Variants in OPRM1 observed in about 807,000 individuals in gnomAD.
OPRM1 encodes the protein opioid receptor mu 1.
In OPRM1, 27 loss-of-function variants were observed where a neutral mutation model predicts 31.8. The ratio of observed to expected loss-of-function variants is 0.85; its 90% CI spans 0.63 to 1.17. OPRM1 has a LOEUF of 1.17. Among genes scored for constraint, OPRM1 ranks in the 50% most tolerant of loss-of-function variants. The pLI is 0.00. For synonymous variants in OPRM1, 196 were observed against 189.9 expected, an observed-to-expected ratio of 1.03 and a Z score of -0.26; for missense variants, 536 against 511.1, an observed-to-expected ratio of 1.05 and a Z score of -0.47.
At chr6:154,028,823 T>G (rs1165838925) in intron 1 of OPRM1, among the ~76,000 whole-genome samples, 6 of 152,210 alleles carry the variant, frequency 3.9e-5, no homozygotes, top group African/African-American at 1.4e-4. Flanking sequence ...GCCCACCCAC[T>G]GCTGGGGAAT....
intron 3 of OPRM1, among the ~76,000 whole-genome samples, chr6:154,241,486 C>T (rs1780589821): frequency 1.3e-5 from 2 of 152,094 alleles, no homozygotes; most frequent in South Asian, 4.1e-4. Flanking sequence ...TACTCACAAA[C>T]TCTTTGTCCC....
rs187433535 is a variant in OPRM1, at chr6:154,235,352, G to A, written c.1165-11341G>A. 6.6e-3 allele frequency among the ~76,000 whole-genome samples: 999 copies of A among 152,148 alleles called. 8 individuals carry two copies. Among genetic ancestry groups the A allele is most frequent in the African/African-American group, 0.021 (869 of 41,528 alleles). On this transcript the variant is annotated intron_variant, in intron 3 of 3. Coordinates refer to the OPRM1 transcript ENST00000337049. ...TTGAGACCAGCCTGGCCCACATGGC[G>A]AAAACCCGTCTCTACTAAAAATACA...
chr6:154,107,697 G>T (rs992977033), intron 3 of OPRM1: 6 of 718,412 alleles, frequency 8.4e-6, no homozygotes, highest in Non-Finnish European at 1.6e-5. Context: ...TGGTTAAAAG[G>T]TCAAGCTCCC....
At chr6:154,037,618 A>G (rs1309539966), upstream of OPRM1, among the ~76,000 whole-genome samples, 2 of 152,042 alleles carry the variant, frequency 1.3e-5, no homozygotes, top group Non-Finnish European at 2.9e-5. Flanking sequence ...AAAAGAGAAA[A>G]CTCAGTTGAT....
At position 154,124,482 on chromosome 6, in the gene OPRM1, G is replaced by C. The variant is rs1797473230; in HGVS notation, c.*5761G>C. 6.6e-6 allele frequency among the ~76,000 whole-genome samples: 1 copy of C among 152,146 alleles called. No homozygotes were observed. Among genetic ancestry groups the C allele is most frequent in the Admixed American group, 6.5e-5 (1 of 15,278 alleles). On this transcript the variant is annotated 3_prime_UTR_variant, in exon 4 of 4. Transcript: ENST00000330432. ...AGAAGTTGTTTTCCATAGGTGTGGGGTGGGATGTTAGAGCTCTAGACATTA... is the reference window on the plus strand; with the variant it reads ...AGAAGTTGTTTTCCATAGGTGTGGGCTGGGATGTTAGAGCTCTAGACATTA...
chr6:154,097,283 C>T (rs1345768260), intron 3 of OPRM1, among the ~76,000 whole-genome samples: 1 of 152,110 alleles, frequency 6.6e-6, no homozygotes, highest in East Asian at 1.9e-4. Context: ...AATAGCGGGT[C>T]AAGAAGTTAG....
chr6:154,215,564 C>T (rs1465558580), intron 3 of OPRM1, among the ~76,000 whole-genome samples: 1 of 152,076 alleles, frequency 6.6e-6, no homozygotes, highest in Non-Finnish European at 1.5e-5. Context: ...CGAGATCATG[C>T]CACTGCACTC....
chr6:154,117,999 A>G lies in OPRM1; in HGVS notation c.1165-684A>G, dbSNP rs1484809461. Among the ~76,000 whole-genome samples, 3 of 152,286 alleles carry G rather than the reference A, an allele frequency of 2.0e-5. No homozygotes were observed. The South Asian group carries it at 6.2e-4, about 32-fold the overall frequency. On this transcript the variant is annotated intron_variant, in intron 3 of 3. Transcript: ENST00000330432. The stretch of plus-strand genomic sequence containing the variant: ...TCTTTTACCCTTTTACGCTTCCTAT[A>G]CAAACATCTCCTTTTCTCCTTAGCA...
chr6:154,113,163 A>T (rs568224178), intron 3 of OPRM1, among the ~76,000 whole-genome samples: 1 of 152,284 alleles, frequency 6.6e-6, no homozygotes, highest in South Asian at 2.1e-4. Flanking sequence ...TGACCTGCTG[A>T]TCTTCTATGG....
At chr6:154,207,255 A>T (rs2088965010) in intron 3 of OPRM1, among the ~76,000 whole-genome samples, 1 of 152,358 alleles carries the variant, frequency 6.6e-6, no homozygotes, top group South Asian at 2.1e-4. Context: ...AGCCAGAGGC[A>T]AAAATATAAA....
At chr6:154,112,069 A>G (rs1029783289) in intron 3 of OPRM1, among the ~76,000 whole-genome samples, 1 of 152,158 alleles carries the variant, frequency 6.6e-6, no homozygotes, top group Non-Finnish European at 1.5e-5. Flanking sequence ...CTGGCCAAAA[A>G]CTATAGTTTA....
chr6:154,119,029 G>A lies in OPRM1; in HGVS notation c.*308G>A. The A allele has an allele frequency of 9.1e-7, 1 of 1,102,694 alleles. No individual in the cohort carries two copies. Among genetic ancestry groups the A allele is most frequent in the Non-Finnish European group, 1.1e-6 (1 of 905,494 alleles). 68.3% of individuals were successfully genotyped at this position (1,102,694 alleles called of 1,614,324 possible). A position where few individuals can be genotyped will look rare whatever the true frequency, so the allele number is the denominator to read the frequency against. ...ATCATAAAAGGTGACCCTTCTGTCT[G>A]TAAGATTTTATTTTCAAGCAAATAT... is the stretch of plus-strand genomic sequence containing the variant. On this transcript the variant is annotated 3_prime_UTR_variant, in exon 4 of 4. Coordinates refer to ENST00000330432, the MANE Select transcript of OPRM1 (RefSeq NM_000914.5).
intron 3 of OPRM1, among the ~76,000 whole-genome samples, chr6:154,161,677 CG>C (rs1423739479): frequency 1.3e-5 from 2 of 152,154 alleles, no homozygotes; most frequent in Non-Finnish European, 2.9e-5. Context: ...TAGGTATTTA[CG>C]GGTAAGTCAT....
At chr6:154,023,040 T>C (rs1778472940) in intron 1 of OPRM1, among the ~76,000 whole-genome samples, 3 of 152,220 alleles carry the variant, frequency 2.0e-5, no homozygotes, top group Admixed American at 2.0e-4. Context: ...CTGGGTCTTC[T>C]GTGGTTTCAC....
At chr6:154,027,889 C>G (rs1388473834) in intron 1 of OPRM1, among the ~76,000 whole-genome samples, 2 of 152,186 alleles carry the variant, frequency 1.3e-5, no homozygotes, top group South Asian at 2.1e-4. Flanking sequence ...GGGCTATCCT[C>G]TAGCCCAAGG....
chr6:154,137,127 C>T (rs184252094), downstream of OPRM1, among the ~76,000 whole-genome samples: 1 of 152,222 alleles, frequency 6.6e-6, no homozygotes, highest in Non-Finnish European at 1.5e-5. Flanking sequence ...AGTAGCCCAG[C>T]TAATATATTA....
chr6:154,219,591 C>G (rs890421594), intron 3 of OPRM1, among the ~76,000 whole-genome samples: 2 of 152,040 alleles, frequency 1.3e-5, no homozygotes, highest in Non-Finnish European at 2.9e-5. Context: ...ATCCCACTTA[C>G]ACAGCAAGGG....
chr6:154,043,535 GTGTATA>G (rs148766524), intron 1 of OPRM1, among the ~76,000 whole-genome samples: 8,559 of 142,476 alleles, frequency 0.06, 797 homozygotes, highest in African/African-American at 0.21. Context: ...ATGTGTGTGT[GTGTATA>G]TATATATATA....
rs1317383977 is a variant in OPRM1, at chr6:154,127,800, G to T, written c.*9079G>T. 2.0e-5 allele frequency among the ~76,000 whole-genome samples: 3 copies of T among 152,202 alleles called. No individual in the cohort carries two copies. Among genetic ancestry groups the T allele is most frequent in the Non-Finnish European group, 2.9e-5 (2 of 68,044 alleles). ...AATGCCTGTTCCTGCCTCTGCAGGG[G>T]TTCATTCAGAAAACAGGAAAATAAC... On this transcript the variant is annotated 3_prime_UTR_variant, in exon 4 of 4. Transcript: ENST00000330432.
Sources: gnomAD v4.1 joint callset for allele counts (sites outside exome capture counted in the v4.1 genomes callset) on GRCh38, gnomAD v4.1.1 for gene constraint, MANE v1.5 for transcripts, NCBI Gene and HGNC (gene_info 2026-07-23, HGNC 2026-07-21) for gene names.